HIVEP3: variants seen among roughly 807,000 people sequenced by gnomAD.
The protein encoded by HIVEP3 is HIVEP zinc finger 3, also known as transcription factor HIVEP3.
HIVEP3 carries 49 observed loss-of-function variants against 152.8 expected under a neutral mutation model. That is an observed-to-expected ratio of 0.32 (90% CI 0.26 to 0.41). The LOEUF is 0.41. Ranked by LOEUF, HIVEP3 falls within the 10% of genes least tolerant of loss-of-function variation. The pLI, the probability that HIVEP3 is intolerant of heterozygous loss-of-function variation, is 1.00. For synonymous variants in HIVEP3, 1,269 were observed against 1,289.0 expected, an observed-to-expected ratio of 0.98 and a Z score of 0.33; for missense variants, 2,790 against 3,103.3, an observed-to-expected ratio of 0.90 and a Z score of 2.40.
At chr1:41,986,301 AAAT>A (rs1442762932) in intron 1 of HIVEP3, among the ~76,000 whole-genome samples, 1 of 152,182 alleles carries the variant, frequency 6.6e-6, no homozygotes, top group African/African-American at 2.4e-5. Context: ...ACAAGATGTA[AAAT>A]ATTATTTTAC....
chr1:41,858,080 T>C (rs527687468), intron 1 of HIVEP3, among the ~76,000 whole-genome samples: 22 of 152,250 alleles, frequency 1.4e-4, no homozygotes, highest in South Asian at 4.1e-4. Context: ...AGAGCTTATG[T>C]ATTTTTGAAT....
chr1:41,786,499 A>T lies in HIVEP3; in HGVS notation c.-800-85504T>A, dbSNP rs531443400. On this transcript the variant is annotated intron_variant, in intron 1 of 8. Transcript: ENST00000372583. The stretch of plus-strand genomic sequence containing the variant: ...AAGAGTCTGCAAACTACAGCCCACA[A>T]GCCAAATCTGAGATGCTGCCTGTTT... 1.8e-4 allele frequency among the ~76,000 whole-genome samples: 27 copies of T among 152,346 alleles called. No homozygotes were observed. In the South Asian group the frequency reaches 1.9e-3, roughly 11 times the overall value.
intron 1 of HIVEP3, among the ~76,000 whole-genome samples, chr1:42,009,857 C>T (rs755770420): frequency 9.9e-5 from 15 of 152,284 alleles, no homozygotes; most frequent in African/African-American, 3.1e-4. Flanking sequence ...CTTAAATTTG[C>T]CACCTTTTCT....
chr1:41,793,005 C>T (rs961668303), intron 1 of HIVEP3, among the ~76,000 whole-genome samples: 2 of 152,156 alleles, frequency 1.3e-5, no homozygotes, highest in African/African-American at 4.8e-5. Flanking sequence ...TGAATGGCCA[C>T]CATATGGAAG....
chr1:41,618,307 T>C (rs1279356198), intron 3 of HIVEP3, among the ~76,000 whole-genome samples: 1 of 152,134 alleles, frequency 6.6e-6, no homozygotes, highest in Non-Finnish European at 1.5e-5. Context: ...GGAGGTTAAC[T>C]CTCCCCAGGC....
intron 1 of HIVEP3, among the ~76,000 whole-genome samples, chr1:41,859,900 G>T (rs56336990): frequency 0.2 from 31,137 of 152,180 alleles, 3,438 homozygotes; most frequent in African/African-American, 0.29. Flanking sequence ...GCCTCAAAGT[G>T]AACTCCCTAC....
chr1:41,698,719 A>G (rs1646314349), intron 2 of HIVEP3, among the ~76,000 whole-genome samples: 1 of 152,208 alleles, frequency 6.6e-6, no homozygotes, highest in African/African-American at 2.4e-5. Context: ...AAGAACTCCC[A>G]TGGATCCTTC....
At chr1:41,978,540 T>C (rs1488459726) in intron 1 of HIVEP3, among the ~76,000 whole-genome samples, 1 of 152,184 alleles carries the variant, frequency 6.6e-6, no homozygotes, top group Non-Finnish European at 1.5e-5. Context: ...TGTAACACCT[T>C]GATCTTGGAC....
intron 1 of HIVEP3, among the ~76,000 whole-genome samples, chr1:41,782,746 A>G (rs1412720175): frequency 6.6e-6 from 1 of 151,822 alleles, no homozygotes; most frequent in Non-Finnish European, 1.5e-5. Context: ...AAAAAAAAAA[A>G]AGGCTAAATA....
At chr1:41,530,841 GGAGA>G (rs201817829) in intron 5 of HIVEP3, among the ~76,000 whole-genome samples, 2 of 152,158 alleles carry the variant, frequency 1.3e-5, no homozygotes, top group African/African-American at 4.8e-5. Context: ...CTTTCCAAAT[GGAGA>G]GAGAGAGATA....
At chr1:41,678,294 A>C (rs1645987311) in intron 2 of HIVEP3, among the ~76,000 whole-genome samples, 1 of 152,112 alleles carries the variant, frequency 6.6e-6, no homozygotes, top group African/African-American at 2.4e-5. Flanking sequence ...TGGGAGCCTG[A>C]TTGCGACAAT....
chr1:41,879,920 T>C (rs573251465), intron 1 of HIVEP3, among the ~76,000 whole-genome samples: 1 of 152,354 alleles, frequency 6.6e-6, no homozygotes, highest in Non-Finnish European at 1.5e-5. Flanking sequence ...CTTAGGTGCC[T>C]AGCATGGTCT....
chr1:41,566,612 T>G (rs1204253882), intron 5 of HIVEP3, among the ~76,000 whole-genome samples: 1 of 152,196 alleles, frequency 6.6e-6, no homozygotes, highest in Non-Finnish European at 1.5e-5. Flanking sequence ...ACTCCTCATT[T>G]TGGCCCATAC....
intron 5 of HIVEP3, among the ~76,000 whole-genome samples, chr1:41,536,932 G>A (rs964256911): frequency 1.3e-5 from 2 of 152,128 alleles, no homozygotes; most frequent in African/African-American, 4.8e-5. Flanking sequence ...CTGGCTACAA[G>A]GTTCATGTGC....
chr1:41,570,160 G>A (rs930914806), intron 5 of HIVEP3, among the ~76,000 whole-genome samples: 2 of 152,162 alleles, frequency 1.3e-5, no homozygotes, highest in African/African-American at 4.8e-5. Flanking sequence ...GGAGCCTGGG[G>A]CTGGGCCATG....
At chr1:41,869,655 A>G (rs950516301) in intron 1 of HIVEP3, 6 of 152,216 alleles carry the variant, frequency 3.9e-5, no homozygotes, top group African/African-American at 9.6e-5. Context: ...TTTGAAAAAA[A>G]CAAAATGAGA....
In HIVEP3 at chr1:41,845,321, G is replaced by C. The variant is rs1430804395; in HGVS notation, c.-801+73092C>G. 4.6e-5 allele frequency among the ~76,000 whole-genome samples: 7 copies of C among 151,768 alleles called. No individual in the cohort carries two copies. In the East Asian group the frequency reaches 1.4e-3, roughly 29 times the overall value. On this transcript the variant is annotated intron_variant, in intron 1 of 8. Transcript: ENST00000372583. ...GTGTCTGACACATAATAGGTGCTCA[G>C]TAAATAAATACTAGTAGAATGGATA...
intron 3 of HIVEP3, among the ~76,000 whole-genome samples, chr1:41,621,830 C>T (rs965285494): frequency 6.6e-6 from 1 of 152,316 alleles, no homozygotes; most frequent in South Asian, 2.1e-4. Context: ...CCCTGCTCTT[C>T]TCTTATGACT....
At chr1:42,027,773 G>A (rs1046517631) in intron 1 of HIVEP3, among the ~76,000 whole-genome samples, 2 of 152,264 alleles carry the variant, frequency 1.3e-5, no homozygotes, top group South Asian at 2.1e-4. Context: ...CTTACATGGC[G>A]GTGGCAAGAG....
Sources: allele counts gnomAD v4.1 joint callset (sites outside exome capture counted in the v4.1 genomes callset), GRCh38; gene constraint gnomAD v4.1.1; transcripts MANE v1.5; gene names NCBI Gene and HGNC (gene_info 2026-07-23, HGNC 2026-07-21).